Variants in CHMP4B observed in about 807,000 individuals in gnomAD.
CHMP4B encodes SNF7 homolog associated with Alix 1.
In CHMP4B, 1 loss-of-function variant was observed where a neutral mutation model predicts 25.1. The ratio of observed to expected loss-of-function variants is 0.04; its 90% CI spans 0.01 to 0.19. The LOEUF is 0.19. Among genes scored for constraint, CHMP4B ranks in the 10% least tolerant of loss-of-function variants. CHMP4B has a pLI of 1.00. For synonymous variants in CHMP4B, 101 were observed against 115.6 expected, an observed-to-expected ratio of 0.87 and a Z score of 0.81; for missense variants, 151 against 289.7, an observed-to-expected ratio of 0.52 and a Z score of 3.48.
At chr20:33,811,760 C>G in intron 1 of CHMP4B, 102 bp downstream of exon 1, 1 of 1,225,988 alleles carries the variant, frequency 8.2e-7, no homozygotes, top group South Asian at 1.3e-5. Context: ...TGGTCTGACC[C>G]TGGAACTCTC....
At chr20:33,824,187 GT>G (rs1370962309) in intron 1 of CHMP4B, among the ~76,000 whole-genome samples, 20 of 152,134 alleles carry the variant, frequency 1.3e-4, no homozygotes, top group African/African-American at 4.6e-4. Context: ...GCAGATTATG[GT>G]TTTTAGCCCC....
intron 3 of CHMP4B, 130 bp from the exon 4 acceptor site, chr20:33,851,947 C>T (rs1403483129): frequency 3.3e-5 from 40 of 1,217,292 alleles, no homozygotes; most frequent in Non-Finnish European, 4.4e-5. Context: ...GGTCTGGAAC[C>T]TGGAATTCAC....
At chr20:33,848,738 T>C in intron 2 of CHMP4B, 94 bp downstream of exon 2, 1 of 1,335,228 alleles carries the variant, frequency 7.5e-7, no homozygotes, top group Non-Finnish European at 1.1e-6. Flanking sequence ...ATCCCTTGAC[T>C]TACCTATTCG....
At chr20:33,826,471 G>A (rs1243554797) in intron 1 of CHMP4B, among the ~76,000 whole-genome samples, 5 of 152,156 alleles carry the variant, frequency 3.3e-5, no homozygotes, top group Admixed American at 2.0e-4. Flanking sequence ...ATCTGTGTTA[G>A]TTTGAATTTA....
chr20:33,838,615 T>C (rs1255766149), intron 1 of CHMP4B, among the ~76,000 whole-genome samples: 5 of 152,250 alleles, frequency 3.3e-5, no homozygotes, highest in African/African-American at 1.2e-4. Flanking sequence ...TGCTCAGTTT[T>C]AGCCTCTGAT....
chr20:33,851,981 G>T, intron 3 of CHMP4B, 96 bp from the exon 4 acceptor site: 1 of 1,519,458 alleles, frequency 6.6e-7, no homozygotes, highest in Non-Finnish European at 9.1e-7. Context: ...TTCTCAGAGG[G>T]GTGTGTGTCT....
At chr20:33,841,503 G>A (rs1025273402) in intron 1 of CHMP4B, among the ~76,000 whole-genome samples, 2 of 152,228 alleles carry the variant, frequency 1.3e-5, no homozygotes, top group Non-Finnish European at 2.9e-5. Flanking sequence ...TCAGAGCAAC[G>A]ATGGACACAA....
At position 33,811,464 on chromosome 20, in the gene CHMP4B, C is replaced by G; in HGVS notation, c.-5C>G. ...CGGCGAAGGCCGGCGCGGCGAGCAG[C>G]AACCATGTCGGTGTTCGGGAAGCTG... On this transcript the variant is annotated 5_prime_UTR_variant, in exon 1 of 5. Coordinates refer to ENST00000217402, the MANE Select transcript of CHMP4B (RefSeq NM_176812.5). 1 of 1,535,922 alleles carries G rather than the reference C, an allele frequency of 6.5e-7. No individual in the cohort carries two copies. The highest frequency in any genetic ancestry group is 8.8e-7 in the Non-Finnish European group (1 of 1,138,460).
At chr20:33,841,929 T>C (rs1015891056) in intron 1 of CHMP4B, among the ~76,000 whole-genome samples, 8 of 152,178 alleles carry the variant, frequency 5.3e-5, no homozygotes. Context: ...GACAACAGAC[T>C]TGAGGTGGTG....
intron 1 of CHMP4B, among the ~76,000 whole-genome samples, chr20:33,827,644 G>T (rs967193709): frequency 6.6e-6 from 1 of 152,256 alleles, no homozygotes; most frequent in Admixed American, 6.5e-5. Context: ...AGCCTTGTTT[G>T]GTTCAGTAGC....
chr20:33,817,240 G>T (rs1276399227), intron 1 of CHMP4B, among the ~76,000 whole-genome samples: 1 of 152,194 alleles, frequency 6.6e-6, no homozygotes, highest in African/African-American at 2.4e-5. Flanking sequence ...AAAATGGTTG[G>T]CTAGATTGAG....
At chr20:33,819,823 A>G (rs1978884347) in intron 1 of CHMP4B, among the ~76,000 whole-genome samples, 2 of 152,128 alleles carry the variant, frequency 1.3e-5, no homozygotes, top group African/African-American at 2.4e-5. Flanking sequence ...TTGACTACAC[A>G]AGCTTTCTGC....
rs536344548 is a variant in CHMP4B, at chr20:33,840,511, G to A, written c.191-7956G>A. Among the ~76,000 whole-genome samples the A allele has an allele frequency of 5.3e-5, 8 of 152,310 alleles. No individual in the cohort carries two copies. In the East Asian group the frequency reaches 1.4e-3, roughly 26 times the overall value. On this transcript the variant is annotated intron_variant, in intron 1 of 4. Coordinates refer to ENST00000217402, the MANE Select transcript of CHMP4B (RefSeq NM_176812.5). ...CACCCACCTTCAGGGCTGGGATTCT[G>A]GCCTGGTCTACTGATACCAAGCCTC...
chr20:33,818,729 A>G (rs1476454937), intron 1 of CHMP4B, among the ~76,000 whole-genome samples: 1 of 152,216 alleles, frequency 6.6e-6, no homozygotes, highest in African/African-American at 2.4e-5. Context: ...TCTTGGGGCC[A>G]CAGAGAACAG....
intron 1 of CHMP4B, among the ~76,000 whole-genome samples, chr20:33,840,882 A>T (rs906992247): frequency 5.3e-5 from 8 of 152,294 alleles, no homozygotes; most frequent in Admixed American, 1.3e-4. Flanking sequence ...GCGTGTTGTT[A>T]TCATGAGGGT....
chr20:33,822,569 C>T (rs960704679), intron 1 of CHMP4B, among the ~76,000 whole-genome samples: 2 of 152,178 alleles, frequency 1.3e-5, no homozygotes, highest in African/African-American at 4.8e-5. Context: ...GGAGGTAGGA[C>T]TTTGGGTGTC....
At chr20:33,836,532 TTC>T (rs1979395977) in intron 1 of CHMP4B, among the ~76,000 whole-genome samples, 1 of 152,184 alleles carries the variant, frequency 6.6e-6, no homozygotes. Flanking sequence ...ATATTATTTA[TTC>T]TCTGTCATCC....
chr20:33,848,318 T>G, intron 1 of CHMP4B, 149 bp from the exon 2 acceptor site: 1 of 792,982 alleles, frequency 1.3e-6, no homozygotes, highest in East Asian at 2.7e-5. Context: ...GAAAATTGAA[T>G]GTGCTCTTTG....
rs578060472 is a variant in CHMP4B at position 33,832,275 on chromosome 20, G to T, written c.191-16192G>T. The stretch of plus-strand genomic sequence containing the variant: ...AAAAGCCAGTCGGAAAAGAAAGAGT[G>T]CATCCCAGCCTGGGAACGGAAACCC... On this transcript the variant is annotated intron_variant, in intron 1 of 4. Coordinates refer to ENST00000217402, the MANE Select transcript of CHMP4B (RefSeq NM_176812.5). Among the ~76,000 whole-genome samples, 169 of 152,252 alleles carry T rather than the reference G, an allele frequency of 1.1e-3. 1 individual carries two copies. Among genetic ancestry groups the T allele is most frequent in the African/African-American group, 3.8e-3 (159 of 41,538 alleles).
Sources: gnomAD v4.1 joint callset for allele counts (sites outside exome capture counted in the v4.1 genomes callset) on GRCh38, gnomAD v4.1.1 for gene constraint, MANE v1.5 for transcripts, NCBI Gene and HGNC (gene_info 2026-07-23, HGNC 2026-07-21) for gene names.